HEATR6: variants seen among roughly 807,000 people sequenced by gnomAD.
HEATR6 encodes the protein HEAT repeat containing 6, also known as HEAT repeat-containing protein 6.
Under a neutral mutation model 132.8 loss-of-function variants are expected in HEATR6, and 106 were observed. The observed-to-expected ratio is 0.80, with a 90% CI of 0.68 to 0.94. HEATR6 has a LOEUF of 0.94. Ranked by LOEUF, HEATR6 falls within the 40% of genes least tolerant of loss-of-function variation. The probability of loss-of-function intolerance (pLI) is 0.00; values close to 1 mark genes in which losing one functional copy is unlikely to be tolerated. For synonymous variants in HEATR6, 529 were observed against 537.8 expected (o/e 0.98, Z 0.23); for missense variants, 1,339 against 1,425.1 (o/e 0.94, Z 0.97).
Position 60,043,941 on chromosome 17 carries a change from G to C in HEATR6, c.3168C>G (p.Thr1056=). 1 of 1,614,094 alleles carries C rather than the reference G, an allele frequency of 6.2e-7. No homozygotes were observed. Residue 1056 remains threonine (T), a synonymous_variant, in exon 20 of 20, where the codon ACC becomes ACG. Transcript: ENST00000184956. ...LVTALQKSED[T]IDFLEFKYCV... is the part of the protein sequence containing the mutation. ...AGTACTTGAATTCCAAAAAGTCTATGGTGTCTTCACTCTTCTGTAAAGCGG... is the reference window on the plus strand; with the variant it reads ...AGTACTTGAATTCCAAAAAGTCTATCGTGTCTTCACTCTTCTGTAAAGCGG...
intron 1 of HEATR6, chr17:60,076,811 A>C (rs762296862): frequency 2.0e-5 from 3 of 152,116 alleles, no homozygotes; most frequent in Non-Finnish European, 2.9e-5. Context: ...AATAACCAGA[A>C]AAAGGCTTCT....
At chr17:60,067,779 T>G in intron 7 of HEATR6, 47 bp from the exon 8 acceptor site, 1 of 1,469,918 alleles carries the variant, frequency 6.8e-7, no homozygotes, top group East Asian at 2.3e-5. Context: ...TACTTCAGAA[T>G]GGCTTTTCAC....
chr17:60,046,072 G>A lies in HEATR6; in HGVS notation c.2927C>T (p.Ala976Val). The change falls in exon 19 of 20, where the codon GCT becomes GTT. Residue 976 changes from alanine (A) to valine (V), a missense_variant. Transcript: ENST00000184956. ...AAATACATTTCCCATTGCATAACAAGCATTCCATCGGACTTTCATGGCAGC... is the reference window on the plus strand; with the variant it reads ...AAATACATTTCCCATTGCATAACAAACATTCCATCGGACTTTCATGGCAGC... Reference protein sequence around the residue: ...TEAAMKVRWNACYAMGNVFKN... With the variant: ...TEAAMKVRWNVCYAMGNVFKN... The A allele has an allele frequency of 6.2e-7, 1 of 1,614,080 alleles. No homozygotes were observed. Among genetic ancestry groups the A allele is most frequent in the Non-Finnish European group, 8.5e-7 (1 of 1,179,996 alleles).
At position 60,072,287 on chromosome 17, in the gene HEATR6, G is replaced by T. The variant is rs2083273314; in HGVS notation, c.627C>A (p.Val209=). The T allele has an allele frequency of 6.2e-7, 1 of 1,611,542 alleles. No homozygotes were observed. The highest frequency in any genetic ancestry group is 1.3e-5 in the African/African-American group (1 of 74,962). ...AAATAGTCAGAAAAGCTTGGAAACA[G>T]ACATTTTGGTAGGGCTCCTCCAAAT... is the stretch of plus-strand genomic sequence containing the variant. The part of the protein sequence containing the change: ...QPYLEEPYQN[V]CFQAFLTILQ... The change falls in exon 5 of 20, where the codon GTC becomes GTA. Residue 209 remains valine (V), a synonymous_variant. Transcript: ENST00000184956.
At chr17:60,058,230 C>A (rs891956083) in intron 11 of HEATR6, among the ~76,000 whole-genome samples, 1 of 152,188 alleles carries the variant, frequency 6.6e-6, no homozygotes, top group Non-Finnish European at 1.5e-5. Flanking sequence ...CAATATTGAG[C>A]CTTCCTATCC....
In HEATR6 at chr17:60,067,590, G is replaced by A. The variant is rs1333400622; in HGVS notation, c.1082C>T (p.Pro361Leu). The stretch of plus-strand genomic sequence containing the variant: ...CAAACTCTGGACACCCAGGGAGGAG[G>A]GACACCAAGTGTTCCCTTCATGCAG... The part of the protein sequence containing the change: ...VNLHEGNTWC[P>L]SSLGVQSLPL... The change falls in exon 8 of 20, where the codon CCC (proline) becomes CTC (leucine). Residue 361 changes from proline (P) to leucine (L), a missense_variant. Physicochemically the swap from Pro to Leu is moderately conservative, Grantham distance 98. Coordinates refer to ENST00000184956, the MANE Select transcript of HEATR6 (RefSeq NM_022070.5). The A allele has an allele frequency of 1.2e-6, 2 of 1,612,656 alleles. No individual in the cohort carries two copies. Among genetic ancestry groups the A allele is most frequent in the Non-Finnish European group, 1.7e-6 (2 of 1,179,496 alleles).
In HEATR6 at chr17:60,055,595, C is replaced by G. The variant is rs114759598; in HGVS notation, c.2209G>C (p.Glu737Gln). The stretch of plus-strand genomic sequence containing the variant: ...TGTATTAAGCCTGTGCCCAGTTCTT[C>G]CAGAAGCTGCCAAGAAAAAGAATTA... ...SIQLHGAKLL[E>Q]ELGTGLIQQY... The change falls in exon 14 of 20, where the codon GAA becomes CAA. Residue 737 changes from glutamate (E) to glutamine (Q), a missense_variant. By Grantham distance (29) the Glu-to-Gln change is conservative (BLOSUM62 2). Transcript: ENST00000184956. The G allele has an allele frequency of 1.9e-5, 31 of 1,607,544 alleles. No individual in the cohort carries two copies. Among genetic ancestry groups the G allele is most frequent in the Non-Finnish European group, 2.6e-5 (31 of 1,176,998 alleles).
intron 1 of HEATR6, 193 bp from the exon 2 acceptor site, chr17:60,076,430 C>T: frequency 1.9e-6 from 1 of 537,520 alleles, no homozygotes; most frequent in Non-Finnish European, 3.3e-6. Flanking sequence ...AAGCCAGGCA[C>T]AGTGGCTCAC....
intron 2 of HEATR6, among the ~76,000 whole-genome samples, chr17:60,074,509 C>T (rs1202936954): frequency 6.6e-6 from 1 of 152,212 alleles, no homozygotes; most frequent in Non-Finnish European, 1.5e-5. Context: ...GAATAGTAAA[C>T]ATACAGAAGC....
chr17:60,076,901 G>A (rs1367415806), intron 1 of HEATR6, among the ~76,000 whole-genome samples: 1 of 140,416 alleles, frequency 7.1e-6, no homozygotes, highest in African/African-American at 2.7e-5. Context: ...GGAAAAATCA[G>A]ACCTAACACT....
intron 1 of HEATR6, among the ~76,000 whole-genome samples, chr17:60,077,702 C>T (rs2083303544): frequency 6.6e-6 from 1 of 152,012 alleles, no homozygotes; most frequent in Non-Finnish European, 1.5e-5. Flanking sequence ...AATTTTTTTT[C>T]CTCCTAAAGA....
rs1029090555 is a variant in HEATR6 at position 60,060,220 on chromosome 17, G to T, written c.1417-124C>A. The T allele has an allele frequency of 1.2e-5, 8 of 686,324 alleles. No homozygotes were observed. The Admixed American group carries it at 1.7e-4, about 14-fold the overall frequency. The allele number at this position is 686,324 out of a possible 1,614,324, so 42.5% of individuals were successfully genotyped here. ...TTAATTGGAAGAATAAAGGCAATGG[G>T]ATTATCTGTTAGTTCCTAAAAACTA... On this transcript the variant is annotated intron_variant, in intron 9 of 19. Transcript: ENST00000184956.
chr17:60,070,267 G>A (rs2083263870), intron 6 of HEATR6, among the ~76,000 whole-genome samples: 1 of 152,144 alleles, frequency 6.6e-6, no homozygotes, highest in African/African-American at 2.4e-5. Flanking sequence ...TTACTTTGCT[G>A]GCTGAAGAAG....
intron 9 of HEATR6, among the ~76,000 whole-genome samples, chr17:60,065,469 G>C (rs2083235514): frequency 6.6e-6 from 1 of 152,172 alleles, no homozygotes; most frequent in African/African-American, 2.4e-5. Flanking sequence ...AGGACACCCA[G>C]ATGCCATTCA....
chr17:60,044,131 G>C lies in HEATR6; in HGVS notation c.2978C>G (p.Thr993Arg), dbSNP rs758775582. 1.2e-6 allele frequency: 2 copies of C among 1,602,492 alleles called. No individual in the cohort carries two copies. The highest frequency in any genetic ancestry group is 1.7e-6 in the Non-Finnish European group (2 of 1,174,374). ...GTAGGCCTGGGAGGTCCATGGGGCT[G>C]TCCCTAGAAAGAATCCACAGTCACT... ...VFKNPALPLG[T>R]APWTSQAYNA... The change falls in exon 20 of 20, where the codon ACA becomes AGA. Residue 993 changes from threonine to arginine, a missense_variant. Coordinates refer to ENST00000184956, the MANE Select transcript of HEATR6 (RefSeq NM_022070.5).
chr17:60,044,108 AG>A lies in HEATR6; in HGVS notation c.3000del (p.Tyr1001ThrfsTer4). 6.2e-7 allele frequency: 1 copy of A among 1,612,128 alleles called. No individual in the cohort carries two copies. Among genetic ancestry groups the A allele is most frequent in the Non-Finnish European group, 8.5e-7 (1 of 1,178,932 alleles). On this transcript the variant is annotated frameshift_variant, in exon 20 of 20. Transcript: ENST00000184956. LOFTEE classifies it high-confidence loss of function. ...GTCACGACCGATGTCAGGGCATTGT[AG>A]GCCTGGGAGGTCCATGGGGCTGTCC... ...PLGTAPWTSQ[A>X]YNALTSVVTS...
chr17:60,042,431 C>T lies in HEATR6; in HGVS notation c.*1132G>A, dbSNP rs1203016897. On this transcript the variant is annotated 3_prime_UTR_variant, in exon 20 of 20. Transcript: ENST00000184956. ...CTGTGAGGCACTGTCAGCATCCTCG[C>T]GTCCTGTGCGGCTGTGAGGCACTGT... Among the ~76,000 whole-genome samples the T allele has an allele frequency of 1.0e-5, 1 of 95,322 alleles. No homozygotes were observed. Among genetic ancestry groups the T allele is most frequent in the Non-Finnish European group, 1.9e-5 (1 of 51,444 alleles). The allele number at this position is 95,322 out of a possible 152,430, so 62.5% of individuals were successfully genotyped here.
In HEATR6 at chr17:60,049,612, C is replaced by T; in HGVS notation, c.2515G>A (p.Gly839Arg). The change falls in exon 16 of 20, where the codon GGA (glycine) becomes AGA (arginine). Residue 839 changes from glycine (G) to arginine (R), a missense_variant. Gly to Arg is a moderately radical substitution (Grantham distance 125). Coordinates refer to ENST00000184956, the MANE Select transcript of HEATR6 (RefSeq NM_022070.5). Reference protein sequence around the residue: ...LVKAATSRALGVYVLFPCLRQ... With the variant: ...LVKAATSRALRVYVLFPCLRQ... ...AGACAGGGAAAAAGCACATAGACTC[C>T]CAGGGCCCGTGAAGTTGCAGCTTTC... 1 of 1,613,948 alleles carries T rather than the reference C, an allele frequency of 6.2e-7. No individual in the cohort carries two copies. The highest frequency in any genetic ancestry group is 8.5e-7 in the Non-Finnish European group (1 of 1,179,848).
intron 9 of HEATR6, chr17:60,063,101 T>C (rs1319751698): frequency 6.6e-6 from 1 of 152,350 alleles, no homozygotes; most frequent in Admixed American, 6.5e-5. Flanking sequence ...GCCTGTTCTT[T>C]GCTAATACAC....
Sources: gnomAD v4.1 joint callset for allele counts (sites outside exome capture counted in the v4.1 genomes callset) on GRCh38, gnomAD v4.1.1 for gene constraint, MANE v1.5 for transcripts, NCBI Gene and HGNC (gene_info 2026-07-23, HGNC 2026-07-21) for gene names.